Variants in NBPF10 observed in about 807,000 individuals in gnomAD.
The protein encoded by NBPF10 is NBPF member 10.
In NBPF10, 63 loss-of-function variants were observed where a neutral mutation model predicts 77.9. The observed-to-expected ratio is 0.81, with a 90% confidence interval of 0.66 to 1.00. The LOEUF (loss-of-function observed/expected upper bound fraction) is 1.00. NBPF10 is among the 50% of genes least tolerant of loss of function. The probability of loss-of-function intolerance (pLI) is 0.00; values close to 1 mark genes in which losing one functional copy is unlikely to be tolerated. For synonymous variants in NBPF10, 146 were observed against 264.5 expected (o/e 0.55, Z 4.35); for missense variants, 522 against 679.8 (o/e 0.77, Z 2.58).
exon 90 of NBPF10, chr1:146,064,744 CAATCACCAT>C (rs1654866681): frequency 1.3e-5 from 1 of 77,888 alleles, no homozygotes; most frequent in Admixed American, 1.6e-4. Context: ...CCACCAAAAC[CAATCACCAT>C]AATCAAATAT....
chr1:146,134,318 C>T (rs1221091987), intron 8 of NBPF10, 53 bp from the exon 9 acceptor site: 7 of 1,546,576 alleles, frequency 4.5e-6, no homozygotes, highest in Middle Eastern at 2.3e-4. Flanking sequence ...AGTCTGCAAG[C>T]ACAGTCAGCC....
intron 14 of NBPF10, among the ~76,000 whole-genome samples, chr1:146,125,818 G>A (rs1299150679): frequency 6.7e-6 from 1 of 149,088 alleles, no homozygotes; most frequent in African/African-American, 2.5e-5. Flanking sequence ...GCCCCCAAAT[G>A]GTTGCTAGGA....
rs1344698052 is a variant in NBPF10, at chr1:146,136,245, C to T, written c.1091+108G>A. On this transcript the variant is annotated intron_variant, in intron 7 of 89. Coordinates refer to ENST00000583866, the Ensembl canonical transcript of NBPF10. ...GTGTAGCGAGCCTGCCATGGCAATTCCTGCCCTTCCCCTGGCCCAGCTTAG... is the reference window on the plus strand; with the variant it reads ...GTGTAGCGAGCCTGCCATGGCAATTTCTGCCCTTCCCCTGGCCCAGCTTAG... 27 of 868,976 alleles carry T rather than the reference C, an allele frequency of 3.1e-5. No individual in the cohort carries two copies. In the African/African-American group the frequency reaches 3.3e-4, roughly 11 times the overall value. 53.8% of individuals were successfully genotyped at this position (868,976 alleles called of 1,614,324 possible).
At chr1:146,067,863 C>A (rs1386795164) in intron 88 of NBPF10, 140 bp downstream of exon 88, 4 of 698,132 alleles carry the variant, frequency 5.7e-6, no homozygotes, top group African/African-American at 5.3e-5. Context: ...ACTACAGTTT[C>A]ATTACAACCT....
chr1:146,125,765 G>A (rs1553789630), intron 14 of NBPF10, among the ~76,000 whole-genome samples: 3 of 142,940 alleles, frequency 2.1e-5, no homozygotes, highest in East Asian at 2.0e-4. Flanking sequence ...CCAAGTTTGT[G>A]CAAATGGTTA....
At chr1:146,139,269 T>TG (rs1284245250) in intron 5 of NBPF10, among the ~76,000 whole-genome samples, 78 of 150,702 alleles carry the variant, frequency 5.2e-4, no homozygotes, top group Non-Finnish European at 7.6e-4. Context: ...CCAGCTATTT[T>TG]TTTTTTTTTT....
At chr1:146,126,148 C>G (rs587701861) in intron 14 of NBPF10, 88 bp downstream of exon 14, 6 of 855,086 alleles carry the variant, frequency 7.0e-6, no homozygotes, top group Admixed American at 1.8e-5. Context: ...TGACATCTCT[C>G]AGCTCAGTAA....
In NBPF10 at chr1:146,126,226, A is replaced by T. The variant is rs1658619181; in HGVS notation, c.2026+10T>A. 6 of 1,584,014 alleles carry T rather than the reference A, an allele frequency of 3.8e-6. No homozygotes were observed. The African/African-American group carries it at 6.8e-5, about 18-fold the overall frequency. On this transcript the variant is annotated intron_variant, in intron 14 of 89. Transcript: ENST00000583866. ...GTGGATCCTTATCACCTTCATAGAA[A>T]GGTACTCACCATCCATGTCAATAGC...
intron 7 of NBPF10, among the ~76,000 whole-genome samples, chr1:146,136,059 G>C: frequency 6.8e-6 from 1 of 147,032 alleles, no homozygotes; most frequent in South Asian, 2.2e-4. Context: ...ACCATTTTGA[G>C]TATACTGAAT....
intron 8 of NBPF10, 92 bp from the exon 9 acceptor site, chr1:146,134,357 G>T: frequency 9.7e-7 from 1 of 1,034,528 alleles, no homozygotes; most frequent in Non-Finnish European, 1.5e-6. Context: ...TGAACATCTA[G>T]GCATGGGTCA....
chr1:146,067,261 T>C (rs782008410), exon 89 of NBPF10: 1 of 576,032 alleles, frequency 1.7e-6, no homozygotes, highest in Non-Finnish European at 3.1e-6. Context: ...TCCCCTTCTT[T>C]TTTTCCCCTT....
intron 89 of NBPF10, among the ~76,000 whole-genome samples, 164 bp downstream of exon 89, chr1:146,067,016 A>G (rs1263944723): frequency 7.0e-6 from 1 of 143,476 alleles, no homozygotes; most frequent in Admixed American, 7.3e-5. Context: ...GGGGAGGAAG[A>G]AATGGAAACC....
chr1:146,135,389 G>T lies in NBPF10; in HGVS notation c.1224C>A (p.Asp408Glu), dbSNP rs781967179. 12 of 1,323,148 alleles carry T rather than the reference G, an allele frequency of 9.1e-6. 2 individuals are homozygous for T. Among genetic ancestry groups the T allele is most frequent in the Non-Finnish European group, 1.2e-5 (11 of 949,112 alleles). The allele number at this position is 1,323,148 out of a possible 1,614,324, so 82.0% of individuals were successfully genotyped here. The change falls in exon 8 of 90, where the codon GAC becomes GAA. Residue 408 changes from aspartate (D) to glutamate (E), a missense_variant. This residue lies in a region of NBPF10 where 45 missense variants were observed against 121.0 expected (regional missense o/e 0.37). Coordinates refer to ENST00000583866, the Ensembl canonical transcript of NBPF10. ...CTTGGAGGTCCTGCCCCTGGGACTT[G>T]TCCGGCTCATACGGAGTGAGGAGGG...
chr1:146,143,010 A>G (rs1445289688), intron 1 of NBPF10, among the ~76,000 whole-genome samples: 5 of 114,426 alleles, frequency 4.4e-5, no homozygotes, highest in Non-Finnish European at 1.0e-4. Context: ...AACGAAGTGG[A>G]GTCAGAACTC....
At chr1:146,123,812 T>A (rs1242420257) in intron 17 of NBPF10, 115 bp downstream of exon 17, 22 of 329,816 alleles carry the variant, frequency 6.7e-5, no homozygotes, top group Admixed American at 1.1e-4. Context: ...TTAGTAGGAA[T>A]AATTCAGGCT....
At chr1:146,066,299 T>TCGGATTA in exon 90 of NBPF10, 1 of 591,168 alleles carries the variant, frequency 1.7e-6, no homozygotes, top group Admixed American at 3.4e-5. Context: ...ATGACATCTC[T>TCGGATTA]CGGATTACTA....
intron 13 of NBPF10, 55 bp from the exon 14 acceptor site, chr1:146,126,463 GC>G (rs1553790047): frequency 2.6e-6 from 2 of 778,444 alleles, no homozygotes; most frequent in Non-Finnish European, 4.7e-6. Context: ...AAACCACACA[GC>G]CCCAGCTAGA....
At chr1:146,125,825 A>T (rs1320701805) in intron 14 of NBPF10, among the ~76,000 whole-genome samples, 1 of 149,732 alleles carries the variant, frequency 6.7e-6, no homozygotes, top group Non-Finnish European at 1.5e-5. Flanking sequence ...AATGGTTGCT[A>T]GGAGAAAAAC....
At chr1:146,135,165 C>CG in intron 8 of NBPF10, 142 bp downstream of exon 8, 1 of 467,674 alleles carries the variant, frequency 2.1e-6, no homozygotes, top group Admixed American at 4.0e-5. Flanking sequence ...CGTTCTTACC[C>CG]AAGAAGTCCT....
Sources: allele counts gnomAD v4.1 joint callset (sites outside exome capture counted in the v4.1 genomes callset), GRCh38; gene constraint gnomAD v4.1.1; regional missense constraint gnomAD v4.1.1; transcripts MANE v1.5; gene names NCBI Gene and HGNC (gene_info 2026-07-23, HGNC 2026-07-21).